CBFA2T3: variants seen among roughly 807,000 people sequenced by gnomAD.
CBFA2T3 encodes CBFA2/RUNX1 partner transcriptional co-repressor 3.
A neutral mutation model predicts 58.6 loss-of-function variants in CBFA2T3; 31 were observed. That is an observed-to-expected ratio of 0.53 (90% CI 0.40 to 0.71). CBFA2T3 has a LOEUF of 0.71. Ranked by LOEUF, CBFA2T3 falls within the 30% of genes least tolerant of loss-of-function variation. The pLI is 0.00. For missense variants in CBFA2T3, 1,076 were observed against 963.1 expected (o/e 1.12, Z -1.55); for synonymous variants, 531 against 421.9 (o/e 1.26, Z -3.17).
At position 88,958,442 on chromosome 16, in the gene CBFA2T3, G is replaced by A. The variant is rs1276446088; in HGVS notation, c.151+18215C>T. Among the ~76,000 whole-genome samples the A allele has an allele frequency of 6.6e-6, 1 of 152,106 alleles. No homozygotes were observed. The highest frequency in any genetic ancestry group is 1.5e-5 in the Non-Finnish European group (1 of 68,000). On this transcript the variant is annotated intron_variant, in intron 1 of 11. Coordinates refer to ENST00000268679, the MANE Select transcript of CBFA2T3 (RefSeq NM_005187.6). The surrounding 1 kb of genome is among the most constrained non-coding windows in gnomAD (Gnocchi z 4.0). ...GTGTTAGAGTAATGCCAGGCGGGGC[G>A]GCGGGGGAAGAAGGTTCTGGGGCGG...
chr16:88,925,078 G>A (rs1971042125), intron 1 of CBFA2T3, among the ~76,000 whole-genome samples: 1 of 152,244 alleles, frequency 6.6e-6, no homozygotes, highest in Non-Finnish European at 1.5e-5. Flanking sequence ...TGGAGAGAGA[G>A]GGACCCGCCC....
chr16:88,883,001 G>A (rs1480462163), intron 7 of CBFA2T3, among the ~76,000 whole-genome samples: 1 of 152,204 alleles, frequency 6.6e-6, no homozygotes, highest in Non-Finnish European at 1.5e-5. Flanking sequence ...CTCCAAGGGA[G>A]GGTTCAGTCT....
chr16:88,894,630 C>T (rs995481383), intron 3 of CBFA2T3, among the ~76,000 whole-genome samples: 2 of 152,200 alleles, frequency 1.3e-5, no homozygotes, highest in Non-Finnish European at 2.9e-5. Context: ...CACACATGCA[C>T]GGCTATGATG....
At chr16:88,934,929 A>G (rs1425608952) in intron 1 of CBFA2T3, among the ~76,000 whole-genome samples, 1 of 152,018 alleles carries the variant, frequency 6.6e-6, no homozygotes, top group South Asian at 2.1e-4. Context: ...TTTAGTAGAG[A>G]CGGGGTTTCA....
chr16:88,899,089 A>C (rs1030665253), intron 2 of CBFA2T3, among the ~76,000 whole-genome samples: 10 of 108,054 alleles, frequency 9.3e-5, no homozygotes, highest in East Asian at 3.3e-4. Flanking sequence ...CCACAGCAGC[A>C]CCGCAGCTTC....
intron 1 of CBFA2T3, among the ~76,000 whole-genome samples, chr16:88,947,629 G>A (rs1971936941): frequency 6.6e-6 from 1 of 152,198 alleles, no homozygotes; most frequent in Non-Finnish European, 1.5e-5. Flanking sequence ...AGGATACAAA[G>A]TAGGCTGGGC....
chr16:88,880,927 C>T, intron 9 of CBFA2T3, 139 bp from the exon 10 acceptor site: 1 of 802,636 alleles, frequency 1.2e-6, no homozygotes, highest in East Asian at 2.7e-5. Context: ...TGCCCTCGGA[C>T]AAGGTCTGGC....
chr16:88,881,356 T>G lies in CBFA2T3; in HGVS notation c.1337A>C (p.Lys446Thr). 2 of 1,586,134 alleles carry G rather than the reference T, an allele frequency of 1.3e-6. No individual in the cohort carries two copies. The highest frequency in any genetic ancestry group is 1.7e-6 in the Non-Finnish European group (2 of 1,167,892). Residue 446 changes from lysine (K) to threonine (T), a missense_variant, in exon 9 of 12, where the codon AAG becomes ACG. By Grantham distance (78) the Lys-to-Thr change is moderately conservative. Transcript: ENST00000268679. The stretch of plus-strand genomic sequence containing the variant: ...CCGGGCCGCGGCGGGAGCGGGGCCC[T>G]TCTTTGTGTCCTCGGCGTCGCTGTA... Reference protein sequence around the residue: ...RRYSDAEDTKKGPAPAAARPR... With the variant: ...RRYSDAEDTKTGPAPAAARPR...
chr16:88,922,481 T>C (rs551773166), intron 1 of CBFA2T3, among the ~76,000 whole-genome samples: 1 of 152,346 alleles, frequency 6.6e-6, no homozygotes, highest in Admixed American at 6.5e-5. Context: ...CATTAGATCC[T>C]GTCTGCCCTT....
intron 1 of CBFA2T3, among the ~76,000 whole-genome samples, chr16:88,911,871 T>G (rs1157780115): frequency 1.3e-5 from 2 of 151,144 alleles, no homozygotes; most frequent in East Asian, 1.9e-4. Flanking sequence ...TGGGGCACAG[T>G]GAAGACCCCC....
At position 88,891,903 on chromosome 16, in the gene CBFA2T3, C is replaced by T. The variant is rs763257967; in HGVS notation, c.690G>A (p.Pro230=). ...TTACCTTCAGGAAGGGAATGACAAA[C>T]GGCCGCAGAGGGAAGTTGGTGGCCT... is the stretch of plus-strand genomic sequence containing the variant. ...LQEATNFPLR[P]FVIPFLKANL... is the part of the protein sequence containing the mutation. The change falls in exon 5 of 12, where the codon CCG becomes CCA. Residue 230 remains proline (P), a synonymous_variant. Coordinates refer to ENST00000268679, the MANE Select transcript of CBFA2T3 (RefSeq NM_005187.6). 6.2e-6 allele frequency: 10 copies of T among 1,612,618 alleles called. No homozygotes were observed. The highest frequency in any genetic ancestry group is 1.7e-4 in the Middle Eastern group (1 of 5,976).
rs945863791 is a variant in CBFA2T3 at position 88,885,391 on chromosome 16, C to T, written c.894-122G>A. 3.5e-5 allele frequency: 22 copies of T among 631,830 alleles called. No homozygotes were observed. The highest frequency in any genetic ancestry group is 5.3e-5 in the South Asian group (2 of 37,760). The allele number at this position is 631,830 out of a possible 1,614,324, so 39.1% of individuals were successfully genotyped here. A position where few individuals can be genotyped will look rare whatever the true frequency, so the allele number is the denominator to read the frequency against. ...AGAAAGAGGACACGTAAGGGCGAGACAGAAACACGGAGCAAAACACCAGCC... is the reference window on the plus strand; with the variant it reads ...AGAAAGAGGACACGTAAGGGCGAGATAGAAACACGGAGCAAAACACCAGCC... On this transcript the variant is annotated intron_variant, in intron 6 of 11. Transcript: ENST00000268679. The surrounding 1 kb of genome is among the most constrained non-coding windows in gnomAD (Gnocchi z 5.3).
intron 3 of CBFA2T3, among the ~76,000 whole-genome samples, chr16:88,894,050 C>G (rs1272156876): frequency 7.2e-5 from 11 of 152,172 alleles, no homozygotes; most frequent in Admixed American, 7.2e-4. Flanking sequence ...GCTCCCGCCT[C>G]CTGCAGAAGG....
At chr16:88,929,025 T>C (rs1244454652) in intron 1 of CBFA2T3, among the ~76,000 whole-genome samples, 1 of 152,164 alleles carries the variant, frequency 6.6e-6, no homozygotes, top group Non-Finnish European at 1.5e-5. Context: ...CTCGGCTCCG[T>C]TCCTGGAGAG....
At chr16:88,919,780 C>T (rs902629961) in intron 1 of CBFA2T3, among the ~76,000 whole-genome samples, 11 of 152,158 alleles carry the variant, frequency 7.2e-5, no homozygotes, top group African/African-American at 1.9e-4. Context: ...AAGTCAGTGT[C>T]GCTCCACGTA....
At position 88,974,197 on chromosome 16, in the gene CBFA2T3, CTCT is replaced by C. The variant is rs535449830; in HGVS notation, c.151+2457_151+2459del. Reference sequence around the variant, plus strand: ...GTCAGGTCACCTTTCTGACCTCCGCCTCTTCTTCTGCAAAGTGGGCTTGGGGGG... The same window carrying C: ...GTCAGGTCACCTTTCTGACCTCCGCCTCTTCTGCAAAGTGGGCTTGGGGGG... On this transcript the variant is annotated intron_variant, in intron 1 of 11. Coordinates refer to ENST00000268679, the MANE Select transcript of CBFA2T3 (RefSeq NM_005187.6). Among the ~76,000 whole-genome samples the C allele has an allele frequency of 1.8e-4, 28 of 152,376 alleles. No homozygotes were observed. In the South Asian group the frequency reaches 4.1e-3, roughly 23 times the overall value.
At chr16:88,914,555 C>T (rs1047550417) in intron 1 of CBFA2T3, among the ~76,000 whole-genome samples, 3 of 152,214 alleles carry the variant, frequency 2.0e-5, no homozygotes, top group Admixed American at 1.3e-4. Flanking sequence ...CCGGGCAGGA[C>T]GCTGTCGCAG....
Position 88,880,708 on chromosome 16 carries a change from A to G in CBFA2T3, c.1471+12T>C. 1 of 1,550,518 alleles carries G rather than the reference A, an allele frequency of 6.4e-7. No homozygotes were observed. On this transcript the variant is annotated intron_variant, in intron 10 of 11. Coordinates refer to ENST00000268679, the MANE Select transcript of CBFA2T3 (RefSeq NM_005187.6). ...ACAGCTCTGCTGGCCAGGCCCCTGCACCCCCACTCACCAGCCTTCCTCCAG... is the reference window on the plus strand; with the variant it reads ...ACAGCTCTGCTGGCCAGGCCCCTGCGCCCCCACTCACCAGCCTTCCTCCAG...
At chr16:88,915,503 G>A (rs1454302990) in intron 1 of CBFA2T3, among the ~76,000 whole-genome samples, 1 of 8,860 alleles carries the variant, frequency 1.1e-4, no homozygotes, top group Non-Finnish European at 2.6e-4. Context: ...TGGACGGGGA[G>A]AGCGTGGACG....
Sources: gnomAD v4.1 joint callset for allele counts (sites outside exome capture counted in the v4.1 genomes callset) on GRCh38, gnomAD v4.1.1 for gene constraint, Gnocchi (gnomAD v3.1) non-coding constraint, MANE v1.5 for transcripts, NCBI Gene and HGNC (gene_info 2026-07-23, HGNC 2026-07-21) for gene names.